MRPL45: variants seen among roughly 807,000 people sequenced by gnomAD.
The protein encoded by MRPL45 is large ribosomal subunit protein mL45.
Under a neutral mutation model 38.1 loss-of-function variants are expected in MRPL45, and 20 were observed. The observed-to-expected ratio is 0.53, with a 90% CI of 0.37 to 0.76. MRPL45 has a LOEUF of 0.76. Among genes scored for constraint, MRPL45 ranks in the 30% least tolerant of loss-of-function variants. The pLI is 0.00. For synonymous variants in MRPL45, 105 were observed against 128.8 expected, an observed-to-expected ratio of 0.82 and a Z score of 1.25; for missense variants, 337 against 395.6, an observed-to-expected ratio of 0.85 and a Z score of 1.26.
chr17:38,317,603 G>A (rs1030489154), intron 4 of MRPL45, among the ~76,000 whole-genome samples: 1 of 151,482 alleles, frequency 6.6e-6, no homozygotes, highest in African/African-American at 2.4e-5. Context: ...ACGGAATCTC[G>A]CTCTGTCACT....
At chr17:38,316,334 C>T (rs1407200949) in intron 4 of MRPL45, among the ~76,000 whole-genome samples, 1 of 152,110 alleles carries the variant, frequency 6.6e-6, no homozygotes, top group African/African-American at 2.4e-5. Context: ...TTTTTAGCTC[C>T]AGAATTTCTG....
intron 1 of MRPL45, among the ~76,000 whole-genome samples, chr17:38,298,197 A>G (rs1395983757): frequency 2.6e-5 from 4 of 152,230 alleles, no homozygotes; most frequent in Non-Finnish European, 2.9e-5. Context: ...AGGAGTTAGC[A>G]TAGTCCTGTA....
At position 38,320,700 on chromosome 17, in the gene MRPL45, G is replaced by A. The variant is rs770940030; in HGVS notation, c.593G>A (p.Arg198His). The A allele has an allele frequency of 1.9e-5, 30 of 1,614,000 alleles. 2 individuals carry two copies. In the South Asian group the frequency reaches 3.0e-4, roughly 16 times the overall value. The change falls in exon 6 of 8, where the codon CGC becomes CAC. Residue 198 changes from arginine to histidine, a missense_variant. Transcript: ENST00000613675. ...GAGCCCTCTCATGTTGTTCAAGTTC[G>A]CTGTTCAAGTATGATGAACCAGGGC... ...SLEPSHVVQV[R>H]CSSMMNQGNV...
intron 4 of MRPL45, among the ~76,000 whole-genome samples, chr17:38,313,348 GTATATATATATATATATACGTA>G (rs2037141632): frequency 1.1e-4 from 2 of 18,076 alleles, no homozygotes; most frequent in African/African-American, 4.8e-4. Flanking sequence ...ATATATATAC[GTATATATATATATATATACGTA>G]TATATATATA....
chr17:38,320,840 GGT>G, intron 6 of MRPL45, 73 bp downstream of exon 6: 1 of 1,484,840 alleles, frequency 6.7e-7, no homozygotes, highest in Non-Finnish European at 9.3e-7. Flanking sequence ...TGGAGTGCTG[GGT>G]ATGGTTGCCC....
chr17:38,316,098 T>C (rs1473845948), intron 4 of MRPL45, among the ~76,000 whole-genome samples: 1 of 152,180 alleles, frequency 6.6e-6, no homozygotes, highest in Non-Finnish European at 1.5e-5. Flanking sequence ...AAATTTTTTT[T>C]CTATCCATTT....
chr17:38,315,168 G>GT (rs1383312805), intron 4 of MRPL45, among the ~76,000 whole-genome samples: 1 of 152,156 alleles, frequency 6.6e-6, no homozygotes, highest in Non-Finnish European at 1.5e-5. Context: ...AAACATACAT[G>GT]TTTTTTGTTT....
At position 38,320,798 on chromosome 17, in the gene MRPL45, T is replaced by C. The variant is rs201617834; in HGVS notation, c.660+31T>C. 1.4e-5 allele frequency: 23 copies of C among 1,609,328 alleles called. No homozygotes were observed. In the East Asian group the frequency reaches 2.9e-4, roughly 20 times the overall value. ...GGCACTCGTCTGCCTTCCTCCCAGCTTTTTTTCACTCTGAGCTTGGGCACC... is the reference window on the plus strand; with the variant it reads ...GGCACTCGTCTGCCTTCCTCCCAGCCTTTTTTCACTCTGAGCTTGGGCACC... On this transcript the variant is annotated intron_variant, in intron 6 of 7. Transcript: ENST00000613675.
At chr17:38,322,381 CGA>C (rs2037239923) in intron 7 of MRPL45, 82 bp downstream of exon 7, 2 of 1,102,418 alleles carry the variant, frequency 1.8e-6, no homozygotes, top group East Asian at 6.0e-5. Flanking sequence ...CACCTAGTGG[CGA>C]GAGGGGGTGA....
chr17:38,322,425 T>TG, intron 7 of MRPL45, 84 bp from the exon 8 acceptor site: 2 of 842,014 alleles, frequency 2.4e-6, no homozygotes, highest in Non-Finnish European at 3.3e-6. Flanking sequence ...GCCGGGTGGG[T>TG]GGGTGGGTGG....
chr17:38,300,433 G>A (rs545616001), intron 3 of MRPL45, among the ~76,000 whole-genome samples: 1 of 152,126 alleles, frequency 6.6e-6, no homozygotes, highest in Admixed American at 6.6e-5. Flanking sequence ...CAAAATTCTG[G>A]GATTACAGGT....
chr17:38,316,875 G>A (rs2037179077), intron 4 of MRPL45, among the ~76,000 whole-genome samples: 2 of 151,092 alleles, frequency 1.3e-5, no homozygotes, highest in African/African-American at 4.9e-5. Context: ...TTGGCTCACT[G>A]CAACCTCCAC....
Position 38,310,570 on chromosome 17 carries a change from T to C in MRPL45, c.461+3939T>C, listed in dbSNP as rs575920360. Among the ~76,000 whole-genome samples, 271 of 152,074 alleles carry C rather than the reference T, an allele frequency of 1.8e-3. 2 individuals are homozygous for C. Among genetic ancestry groups the C allele is most frequent in the African/African-American group, 6.4e-3 (264 of 41,504 alleles). On this transcript the variant is annotated intron_variant, in intron 4 of 7. Transcript: ENST00000613675. ...TCTCGAACTCCTGACTTCAGGTGATTCACCTGCCTCAGCCTCCCAAAGTGC... is the reference window on the plus strand; with the variant it reads ...TCTCGAACTCCTGACTTCAGGTGATCCACCTGCCTCAGCCTCCCAAAGTGC...
At chr17:38,321,511 C>A (rs1394520338) in intron 6 of MRPL45, among the ~76,000 whole-genome samples, 1 of 151,472 alleles carries the variant, frequency 6.6e-6, no homozygotes, top group African/African-American at 2.4e-5. Flanking sequence ...GCCAACATGG[C>A]AAAACACTGT....
At chr17:38,315,531 T>C (rs888505337) in intron 4 of MRPL45, among the ~76,000 whole-genome samples, 3 of 151,464 alleles carry the variant, frequency 2.0e-5, no homozygotes, top group Non-Finnish European at 2.9e-5. Flanking sequence ...TGCCTCCCAA[T>C]GTGTTGGGAT....
chr17:38,306,277 C>T (rs1466764150), intron 3 of MRPL45, among the ~76,000 whole-genome samples: 3 of 151,862 alleles, frequency 2.0e-5, no homozygotes, highest in African/African-American at 7.3e-5. Context: ...CGTGTGGTCG[C>T]GGGCGCCTGT....
intron 3 of MRPL45, among the ~76,000 whole-genome samples, chr17:38,303,923 C>T (rs576038665): frequency 3.3e-5 from 5 of 152,252 alleles, no homozygotes; most frequent in African/African-American, 1.2e-4. Flanking sequence ...AATGGGGTTT[C>T]ACCATGTTGG....
Position 38,306,636 on chromosome 17 carries a change from G to C in MRPL45, c.461+5G>C. 6.2e-6 allele frequency: 10 copies of C among 1,613,464 alleles called. No homozygotes were observed. Among genetic ancestry groups the C allele is most frequent in the Non-Finnish European group, 8.5e-6 (10 of 1,179,800 alleles). On this transcript the variant is annotated splice_donor_5th_base_variant and intron_variant, in intron 4 of 7. Coordinates refer to ENST00000613675, the MANE Select transcript of MRPL45 (RefSeq NM_032351.6). ...AGCTCACCTTTGTCTAAATAAGTAA[G>C]TGAACTCCCTATCTTTACCCATTCT... is the stretch of plus-strand genomic sequence containing the variant.
intron 3 of MRPL45, among the ~76,000 whole-genome samples, chr17:38,301,781 T>A (rs2036998462): frequency 6.6e-6 from 1 of 151,988 alleles, no homozygotes; most frequent in Admixed American, 6.6e-5. Context: ...ACACAAATAA[T>A]TATAGGTGTA....
Sources: gnomAD v4.1 joint callset for allele counts (sites outside exome capture counted in the v4.1 genomes callset) on GRCh38, gnomAD v4.1.1 for gene constraint, MANE v1.5 for transcripts, NCBI Gene and HGNC (gene_info 2026-07-23, HGNC 2026-07-21) for gene names.